Variants in STK33 observed in about 807,000 individuals in gnomAD.
STK33 encodes serine/threonine kinase 33, also known as serine/threonine-protein kinase 33.
In STK33, 52 loss-of-function variants were observed where a neutral mutation model predicts 58.0. The ratio of observed to expected loss-of-function variants is 0.90; its 90% CI spans 0.72 to 1.13. The LOEUF (loss-of-function observed/expected upper bound fraction) is 1.13, where lower values mean the gene tolerates loss of function less well. STK33 is among the 50% of genes most tolerant of loss of function. The pLI is 0.00. For synonymous variants in STK33, 215 were observed against 200.1 expected (o/e 1.07, Z -0.63); for missense variants, 630 against 604.2 (o/e 1.04, Z -0.45).
At chr11:8,413,726 C>T (rs1590860436) in intron 14 of STK33, 34 bp from the exon 15 acceptor site, 1 of 1,589,466 alleles carries the variant, frequency 6.3e-7, no homozygotes, top group Non-Finnish European at 8.6e-7. Context: ...GTGTTATAAA[C>T]AACTTAGAGA....
chr11:8,582,367 C>T (rs535943689), intron 1 of STK33, among the ~76,000 whole-genome samples: 236 of 152,204 alleles, frequency 1.6e-3, no homozygotes, highest in African/African-American at 5.1e-3. Flanking sequence ...TAAAGAACTG[C>T]CCAAGACTGG....
chr11:8,518,760 G>A (rs1402487939), intron 1 of STK33, among the ~76,000 whole-genome samples: 1 of 152,122 alleles, frequency 6.6e-6, no homozygotes, highest in Non-Finnish European at 1.5e-5. Flanking sequence ...ATTACTTAAT[G>A]GTAAAGAGAT....
the STK33 span, among the ~76,000 whole-genome samples, chr11:8,367,688 T>C: frequency 1.3e-5 from 2 of 152,184 alleles, no homozygotes; most frequent in Non-Finnish European, 2.9e-5. Flanking sequence ...CCCTACGAAG[T>C]GGGCACTATC....
At chr11:8,579,163 G>T (rs1031759749) in intron 1 of STK33, among the ~76,000 whole-genome samples, 3 of 151,920 alleles carry the variant, frequency 2.0e-5, no homozygotes, top group African/African-American at 7.2e-5. Flanking sequence ...AGCCACTAGA[G>T]ATTGGCCCAG....
At chr11:8,562,340 T>A (rs1306362727) in intron 1 of STK33, among the ~76,000 whole-genome samples, 1 of 151,692 alleles carries the variant, frequency 6.6e-6, no homozygotes, top group African/African-American at 2.4e-5. Context: ...CTCTCTCTCC[T>A]CTCTCTCTCT....
chr11:8,429,103 A>G (rs541335624), intron 14 of STK33, among the ~76,000 whole-genome samples: 93 of 152,324 alleles, frequency 6.1e-4, no homozygotes, highest in Non-Finnish European at 1.1e-3. Flanking sequence ...AAAGAGAAGA[A>G]TGAATAACCT....
the STK33 span, among the ~76,000 whole-genome samples, chr11:8,385,884 C>T: frequency 1.3e-5 from 2 of 152,112 alleles, no homozygotes; most frequent in Non-Finnish European, 2.9e-5. Context: ...ACGCCATTCT[C>T]CTGCCTCAGC....
chr11:8,545,261 T>C (rs549290988), intron 1 of STK33, among the ~76,000 whole-genome samples: 3 of 152,290 alleles, frequency 2.0e-5, no homozygotes, highest in African/African-American at 7.2e-5. Context: ...CTACTGGGAA[T>C]CAACAACCAG....
chr11:8,410,110 A>C (rs16938063), intron 15 of STK33, among the ~76,000 whole-genome samples: 32,945 of 152,182 alleles, frequency 0.22, 4,021 homozygotes, highest in South Asian at 0.36. Flanking sequence ...GATAGTTCTC[A>C]TGGACTCAGA....
chr11:8,379,702 G>T, the STK33 span, among the ~76,000 whole-genome samples: 1 of 152,122 alleles, frequency 6.6e-6, no homozygotes, highest in Non-Finnish European at 1.5e-5. Context: ...GCGCTTTGTT[G>T]TACAGATTAT....
At chr11:8,380,468 G>A in the STK33 span, among the ~76,000 whole-genome samples, 1 of 151,638 alleles carries the variant, frequency 6.6e-6, no homozygotes, top group Non-Finnish European at 1.5e-5. Context: ...GCTGAGGCAG[G>A]AGAATCACTT....
At chr11:8,423,968 G>T (rs960932328) in intron 14 of STK33, among the ~76,000 whole-genome samples, 2 of 151,760 alleles carry the variant, frequency 1.3e-5, no homozygotes, top group Non-Finnish European at 2.9e-5. Context: ...CCTTAATGAT[G>T]ATTTGTTTGT....
chr11:8,456,690 C>T (rs553362031), intron 9 of STK33, among the ~76,000 whole-genome samples: 108 of 152,278 alleles, frequency 7.1e-4, no homozygotes, highest in African/African-American at 2.5e-3. Flanking sequence ...AGCAGTAACA[C>T]CTAAGAATAG....
At chr11:8,436,362 G>A (rs1944069589) in intron 12 of STK33, among the ~76,000 whole-genome samples, 2 of 152,182 alleles carry the variant, frequency 1.3e-5, no homozygotes, top group South Asian at 2.1e-4. Context: ...GGTAAAGGAA[G>A]TATGCAAGTA....
chr11:8,512,973 T>C (rs1478122588), intron 1 of STK33, among the ~76,000 whole-genome samples: 1 of 152,212 alleles, frequency 6.6e-6, no homozygotes, highest in African/African-American at 2.4e-5. Flanking sequence ...CTTACTATTG[T>C]AGCCCAAATA....
intron 1 of STK33, among the ~76,000 whole-genome samples, chr11:8,535,099 G>A (rs978308555): frequency 2.0e-5 from 3 of 152,124 alleles, no homozygotes; most frequent in African/African-American, 7.2e-5. Context: ...GAGAGAACAT[G>A]GATATTCTGC....
At chr11:8,399,597 A>G (rs1023845043) in intron 15 of STK33, among the ~76,000 whole-genome samples, 1 of 152,220 alleles carries the variant, frequency 6.6e-6, no homozygotes, top group Non-Finnish European at 1.5e-5. Flanking sequence ...AGCTAGCAGA[A>G]GGCAAGAAAT....
At chr11:8,355,876 C>T in the STK33 span, among the ~76,000 whole-genome samples, 2 of 152,210 alleles carry the variant, frequency 1.3e-5, no homozygotes, top group Admixed American at 6.5e-5. Context: ...ATCACCATCA[C>T]CATCATCATC....
chr11:8,443,151 A>G lies in STK33; in HGVS notation c.872-2398T>C, dbSNP rs140311887. On this transcript the variant is annotated intron_variant, in intron 11 of 15. Coordinates refer to ENST00000687296, the MANE Select transcript of STK33 (RefSeq NM_001352389.2). ...ACTAAAAGTACAAAAACAATGTGTC[A>G]AAGACCTTTCTTGGTTAATGACTCT... 4.4e-4 allele frequency among the ~76,000 whole-genome samples: 67 copies of G among 152,338 alleles called. 1 individual carries two copies. The highest frequency in any genetic ancestry group is 1.6e-3 in the African/African-American group (65 of 41,580).
Sources: gnomAD v4.1 joint callset for allele counts (sites outside exome capture counted in the v4.1 genomes callset) on GRCh38, gnomAD v4.1.1 for gene constraint, MANE v1.5 for transcripts, NCBI Gene and HGNC (gene_info 2026-07-23, HGNC 2026-07-21) for gene names.